Variants in RABGAP1 observed in about 807,000 individuals in gnomAD.
The protein encoded by RABGAP1 is rab GTPase-activating protein 1.
In RABGAP1, 23 loss-of-function variants were observed where a neutral mutation model predicts 137.6. That is an observed-to-expected ratio of 0.17 (90% CI 0.12 to 0.24). The LOEUF is 0.24. Ranked by LOEUF, RABGAP1 falls within the 10% of genes least tolerant of loss-of-function variation. The pLI is 1.00. For missense variants in RABGAP1, 906 were observed against 1,275.8 expected (o/e 0.71, Z 4.42); for synonymous variants, 451 against 450.7 (o/e 1.00, Z -0.01).
At chr9:123,027,827 A>G (rs993011261) in intron 13 of RABGAP1, among the ~76,000 whole-genome samples, 14 of 152,192 alleles carry the variant, frequency 9.2e-5, no homozygotes, top group Admixed American at 9.2e-4. Context: ...TTTTTTCACA[A>G]CTGAGCACTC....
intron 2 of RABGAP1, among the ~76,000 whole-genome samples, chr9:122,980,583 C>T (rs1187035541): frequency 5.3e-5 from 8 of 152,184 alleles, no homozygotes; most frequent in Admixed American, 3.9e-4. Context: ...AGTTTCTTTA[C>T]ATCTGAAAGG....
intron 6 of RABGAP1, among the ~76,000 whole-genome samples, chr9:122,995,415 A>G (rs1430885948): frequency 6.6e-6 from 1 of 152,208 alleles, no homozygotes; most frequent in Non-Finnish European, 1.5e-5. Flanking sequence ...AAAGGAAAGA[A>G]TACTTACTTT....
chr9:123,011,289 C>G (rs2030783307), intron 11 of RABGAP1, among the ~76,000 whole-genome samples: 1 of 151,964 alleles, frequency 6.6e-6, no homozygotes, highest in Admixed American at 6.6e-5. Flanking sequence ...TGTTGTGGGG[C>G]ATCATAAAGA....
intron 1 of RABGAP1, among the ~76,000 whole-genome samples, chr9:122,951,759 G>T (rs1234530040): frequency 6.6e-6 from 1 of 152,056 alleles, no homozygotes; most frequent in Non-Finnish European, 1.5e-5. Context: ...TTATTTTAGA[G>T]ATGGGATGTA....
At position 122,990,105 on chromosome 9, in the gene RABGAP1, A is replaced by G. The variant is rs1836593750; in HGVS notation, c.815A>G (p.Lys272Arg). ...SFATAFRRSA[K>R]QTPLSATAAP... ...GCCACTGCCTTCCGCCGTTCTGCCAAGCAGACCCCACTTTCAGCCACTGCT... is the reference window on the plus strand; with the variant it reads ...GCCACTGCCTTCCGCCGTTCTGCCAGGCAGACCCCACTTTCAGCCACTGCT... Residue 272 changes from lysine (K) to arginine (R), a missense_variant, in exon 6 of 26, where the codon AAG becomes AGG. Lys to Arg is a conservative substitution (Grantham distance 26). Coordinates refer to ENST00000373647, the MANE Select transcript of RABGAP1 (RefSeq NM_012197.4). 3 of 1,611,250 alleles carry G rather than the reference A, an allele frequency of 1.9e-6. No homozygotes were observed. Among genetic ancestry groups the G allele is most frequent in the South Asian group, 1.1e-5 (1 of 91,000 alleles).
intron 4 of RABGAP1, among the ~76,000 whole-genome samples, chr9:122,987,462 A>G (rs1442454930): frequency 2.6e-5 from 4 of 152,122 alleles, no homozygotes; most frequent in Non-Finnish European, 5.9e-5. Context: ...GTATATGTAA[A>G]TATACCTGCA....
chr9:123,093,976 C>T (rs928703355), intron 21 of RABGAP1, among the ~76,000 whole-genome samples: 1 of 152,206 alleles, frequency 6.6e-6, no homozygotes, highest in South Asian at 2.1e-4. Flanking sequence ...TTTTAGTGTT[C>T]AATTTACAAG....
At position 123,082,638 on chromosome 9, in the gene RABGAP1, TTGGCCATTTTGCCATAGAATC is replaced by T. The variant is rs1564184151; in HGVS notation, c.2424+5877_2424+5897del. Reference sequence around the variant, plus strand: ...AGTTTCCTAGATCAGACCTGAGGACTTGGCCATTTTGCCATAGAATCCTGCTTAAGGTGAAATGGAATTGCT... The same window carrying T: ...AGTTTCCTAGATCAGACCTGAGGACTCTGCTTAAGGTGAAATGGAATTGCT... On this transcript the variant is annotated intron_variant, in intron 19 of 25. Coordinates refer to ENST00000373647, the MANE Select transcript of RABGAP1 (RefSeq NM_012197.4). 4.6e-5 allele frequency among the ~76,000 whole-genome samples: 7 copies of T among 152,348 alleles called. No individual in the cohort carries two copies. The East Asian group carries it at 1.3e-3, about 29-fold the overall frequency.
At chr9:123,023,882 A>ATT (rs796563886) in intron 13 of RABGAP1, among the ~76,000 whole-genome samples, 1 of 150,068 alleles carries the variant, frequency 6.7e-6, no homozygotes, top group South Asian at 2.1e-4. Flanking sequence ...TTACTTTGAG[A>ATT]TTTTTTTTTT....
At chr9:123,102,945 G>T (rs1207049722) in intron 25 of RABGAP1, 146 bp from the exon 26 acceptor site, 2 of 1,114,538 alleles carry the variant, frequency 1.8e-6, no homozygotes, top group Non-Finnish European at 2.4e-6. Flanking sequence ...GGCATTTCAG[G>T]CATTTCTATG....
At chr9:123,004,923 G>A (rs2030074937) in intron 10 of RABGAP1, among the ~76,000 whole-genome samples, 1 of 151,902 alleles carries the variant, frequency 6.6e-6, no homozygotes, top group African/African-American at 2.4e-5. Flanking sequence ...GGGTGTGGTG[G>A]TGCACATCCG....
chr9:123,063,202 C>G (rs143563633), intron 13 of RABGAP1: 1 of 152,732 alleles, frequency 6.5e-6, no homozygotes, highest in East Asian at 1.9e-4. Context: ...ATATTCCTCT[C>G]CATTCTCAAT....
intron 13 of RABGAP1, among the ~76,000 whole-genome samples, chr9:123,026,005 C>CT (rs59188440): frequency 0.14 from 16,621 of 117,164 alleles, 1,945 homozygotes; most frequent in East Asian, 0.57. Context: ...AAAACATATT[C>CT]TTTTTTTTTT....
intron 21 of RABGAP1, among the ~76,000 whole-genome samples, chr9:123,096,045 G>A (rs1195068857): frequency 6.6e-6 from 1 of 152,194 alleles, no homozygotes; most frequent in Non-Finnish European, 1.5e-5. Flanking sequence ...GTTGTGAGTG[G>A]AGTGTACTGT....
intron 1 of RABGAP1, among the ~76,000 whole-genome samples, chr9:122,951,668 T>A (rs1457590589): frequency 6.6e-6 from 1 of 151,936 alleles, no homozygotes; most frequent in African/African-American, 2.4e-5. Context: ...ACCCCTGGAC[T>A]CAAGCAGTCC....
intron 1 of RABGAP1, among the ~76,000 whole-genome samples, chr9:122,950,049 G>A (rs1449781379): frequency 2.6e-5 from 4 of 152,136 alleles, no homozygotes; most frequent in Admixed American, 6.5e-5. Flanking sequence ...AATAATACAA[G>A]GATTTTGGAT....
chr9:123,083,401 T>C (rs1353909561), intron 19 of RABGAP1, among the ~76,000 whole-genome samples: 2 of 152,238 alleles, frequency 1.3e-5, no homozygotes, highest in Non-Finnish European at 2.9e-5. Flanking sequence ...AATCAGATTT[T>C]ATGAGGAAAC....
chr9:123,066,801 T>C (rs2034187871), intron 14 of RABGAP1, among the ~76,000 whole-genome samples: 1 of 152,230 alleles, frequency 6.6e-6, no homozygotes, highest in Admixed American at 6.5e-5. Flanking sequence ...TCAAACAGAA[T>C]GGGTTTAAAA....
chr9:123,073,234 C>T (rs1024389859), intron 15 of RABGAP1, among the ~76,000 whole-genome samples: 1 of 152,198 alleles, frequency 6.6e-6, no homozygotes, highest in Non-Finnish European at 1.5e-5. Flanking sequence ...TTCTGACTGC[C>T]TTAGGCAGAT....
Sources: gnomAD v4.1 joint callset for allele counts (sites outside exome capture counted in the v4.1 genomes callset) on GRCh38, gnomAD v4.1.1 for gene constraint, MANE v1.5 for transcripts, NCBI Gene and HGNC (gene_info 2026-07-23, HGNC 2026-07-21) for gene names.